GSE1: variants seen among roughly 807,000 people sequenced by gnomAD.
GSE1 encodes Gse1 coiled-coil protein, also known as genetic suppressor element 1.
GSE1 carries 32 observed loss-of-function variants against 112.6 expected under a neutral mutation model. The ratio of observed to expected loss-of-function variants is 0.28; its 90% CI spans 0.21 to 0.38. GSE1 has a LOEUF of 0.38. Ranked by LOEUF, GSE1 falls within the 10% of genes least tolerant of loss-of-function variation. GSE1 has a pLI of 1.00. For synonymous variants in GSE1, 1,115 were observed against 735.6 expected, an observed-to-expected ratio of 1.52 and a Z score of -8.35; for missense variants, 2,348 against 1,699.2, an observed-to-expected ratio of 1.38 and a Z score of -6.71.
chr16:85,492,672 C>T (rs768464019), intron 2 of GSE1, among the ~76,000 whole-genome samples: 10 of 152,150 alleles, frequency 6.6e-5, no homozygotes, highest in Non-Finnish European at 1.2e-4. Flanking sequence ...CCAGATTCAG[C>T]GCCCTTAAGT....
At chr16:85,602,928 C>CAGCTGGTG (rs1309461331) in intron 1 of GSE1, among the ~76,000 whole-genome samples, 1 of 152,240 alleles carries the variant, frequency 6.6e-6, no homozygotes, top group African/African-American at 2.4e-5. Flanking sequence ...GCTCCGTGGG[C>CAGCTGGTG]AGCTGGTGAC....
intron 1 of GSE1, among the ~76,000 whole-genome samples, chr16:85,174,536 C>T (rs1257030853): frequency 6.6e-6 from 1 of 152,250 alleles, no homozygotes; most frequent in Non-Finnish European, 1.5e-5. Flanking sequence ...CCTCCCCCTC[C>T]TTCCCATTCA....
chr16:85,648,819 G>A, intron 3 of GSE1, 68 bp downstream of exon 3: 1 of 885,534 alleles, frequency 1.1e-6, no homozygotes, highest in Middle Eastern at 3.4e-4. Flanking sequence ...CATCCATTGG[G>A]GGCTCTGGAG....
intron 1 of GSE1, among the ~76,000 whole-genome samples, chr16:85,245,934 C>T (rs919154372): frequency 6.9e-6 from 1 of 144,678 alleles, no homozygotes; most frequent in Non-Finnish European, 1.5e-5. Context: ...GAGGTGTCTG[C>T]GTGTGTTAGT....
chr16:85,286,982 G>C (rs1389527883), intron 1 of GSE1, among the ~76,000 whole-genome samples: 1 of 152,204 alleles, frequency 6.6e-6, no homozygotes, highest in African/African-American at 2.4e-5. Context: ...CGGGGGCCGC[G>C]GGCTCCAGCG....
intron 2 of GSE1, among the ~76,000 whole-genome samples, chr16:85,386,971 T>C (rs1274064925): frequency 2.0e-5 from 3 of 152,170 alleles, no homozygotes; most frequent in African/African-American, 7.2e-5. Flanking sequence ...TGGGGCTCCC[T>C]GGGGCCACGC....
At chr16:85,472,398 C>T (rs2050323094) in intron 2 of GSE1, among the ~76,000 whole-genome samples, 1 of 152,124 alleles carries the variant, frequency 6.6e-6, no homozygotes, top group African/African-American at 2.4e-5. Flanking sequence ...TGCCGTGGTC[C>T]CTGCCTTCTC....
At chr16:85,641,851 C>T (rs1368368298) in intron 2 of GSE1, among the ~76,000 whole-genome samples, 1 of 152,242 alleles carries the variant, frequency 6.6e-6, no homozygotes, top group Non-Finnish European at 1.5e-5. Context: ...CCGTGGGCCT[C>T]CTGGGCCAAG....
At chr16:85,605,273 T>C (rs1165283879) in intron 1 of GSE1, among the ~76,000 whole-genome samples, 3 of 151,952 alleles carry the variant, frequency 2.0e-5, no homozygotes, top group Non-Finnish European at 4.4e-5. Flanking sequence ...GTGTGTGACA[T>C]TCCAAGGCCT....
chr16:85,573,431 G>A (rs999971134), intron 1 of GSE1, among the ~76,000 whole-genome samples: 3 of 152,110 alleles, frequency 2.0e-5, no homozygotes, highest in African/African-American at 4.8e-5. Flanking sequence ...GAACACTGGC[G>A]TGCATGTTTT....
chr16:85,531,202 C>T (rs1253966338), intron 2 of GSE1, among the ~76,000 whole-genome samples: 1 of 152,194 alleles, frequency 6.6e-6, no homozygotes, highest in African/African-American at 2.4e-5. Flanking sequence ...GAGAGTGTGT[C>T]CTTTAGCCCC....
intron 1 of GSE1, among the ~76,000 whole-genome samples, chr16:85,350,979 C>T (rs912390798): frequency 6.6e-6 from 1 of 152,204 alleles, no homozygotes; most frequent in Non-Finnish European, 1.5e-5. Flanking sequence ...AGGGTTTTGC[C>T]ATGTTGGCCA....
At chr16:85,170,981 A>G in exon 1 of GSE1, 1 of 985,416 alleles carries the variant, frequency 1.0e-6, no homozygotes. Context: ...CTCTGTGGGG[A>G]GGACTGTACC....
At chr16:85,636,503 C>T (rs536154572) in intron 2 of GSE1, among the ~76,000 whole-genome samples, 1 of 152,334 alleles carries the variant, frequency 6.6e-6, no homozygotes, top group Admixed American at 6.5e-5. Flanking sequence ...CTCAGTGCAC[C>T]TGGTCCCCAT....
At chr16:85,530,595 G>A (rs983270513) in intron 2 of GSE1, among the ~76,000 whole-genome samples, 4 of 152,270 alleles carry the variant, frequency 2.6e-5, no homozygotes, top group South Asian at 2.1e-4. Flanking sequence ...ACATGCCTGC[G>A]ACCCACTCCA....
At chr16:85,670,378 T>C (rs2053233394) in intron 14 of GSE1, among the ~76,000 whole-genome samples, 1 of 152,204 alleles carries the variant, frequency 6.6e-6, no homozygotes, top group Non-Finnish European at 1.5e-5. Flanking sequence ...TTTCATCCTT[T>C]GATTTTTTTT....
chr16:85,236,073 C>T (rs1429342318), intron 1 of GSE1, among the ~76,000 whole-genome samples: 1 of 151,864 alleles, frequency 6.6e-6, no homozygotes. Context: ...TCCCGGATTT[C>T]CCGGCTCCTC....
chr16:85,460,570 G>A (rs760675758), intron 2 of GSE1, among the ~76,000 whole-genome samples: 12 of 152,226 alleles, frequency 7.9e-5, no homozygotes, highest in Non-Finnish European at 1.6e-4. Context: ...GAAAGTGGGC[G>A]ACGTCACTTG....
intron 2 of GSE1, among the ~76,000 whole-genome samples, chr16:85,511,197 C>G (rs187727205): frequency 6.6e-6 from 1 of 152,214 alleles, no homozygotes. Context: ...ACCTGGAAGG[C>G]TTTTCCCTTT....
Sources: gnomAD v4.1 joint callset for allele counts (sites outside exome capture counted in the v4.1 genomes callset) on GRCh38, gnomAD v4.1.1 for gene constraint, MANE v1.5 for transcripts, NCBI Gene and HGNC (gene_info 2026-07-23, HGNC 2026-07-21) for gene names.